Variants in ASXL1 observed in about 807,000 individuals in gnomAD.
The protein encoded by ASXL1 is ASXL transcriptional regulator 1.
ASXL1 carries 65 observed loss-of-function variants against 89.1 expected under a neutral mutation model. The ratio of observed to expected loss-of-function variants is 0.73; its 90% CI spans 0.60 to 0.90. ASXL1 has a LOEUF of 0.90. Among genes scored for constraint, ASXL1 ranks in the 40% least tolerant of loss-of-function variants. The pLI is 0.00. For synonymous variants in ASXL1, 739 were observed against 746.9 expected, an observed-to-expected ratio of 0.99 and a Z score of 0.17; for missense variants, 1,786 against 1,942.9, an observed-to-expected ratio of 0.92 and a Z score of 1.52.
At chr20:32,398,126 A>C (rs776537676) in intron 4 of ASXL1, among the ~76,000 whole-genome samples, 3 of 152,242 alleles carry the variant, frequency 2.0e-5, no homozygotes, top group African/African-American at 7.2e-5. Flanking sequence ...AATACATTTA[A>C]AATTCATTCA....
Position 32,434,889 on chromosome 20 carries a change from A to G in ASXL1, c.2177A>G (p.Lys726Arg), listed in dbSNP as rs1239535844. Reference sequence around the variant, plus strand: ...AGAGAGGACCTGCCTTCTCTGAGAAAGGAGGAAAGCTGCCTACTACAGAGG... The same window carrying G: ...AGAGAGGACCTGCCTTCTCTGAGAAGGGAGGAAAGCTGCCTACTACAGAGG... ...ARREDLPSLR[K>R]EESCLLQRAT... The change falls in exon 13 of 13, where the codon AAG becomes AGG. Residue 726 changes from lysine to arginine, a missense_variant. Coordinates refer to ENST00000375687, the MANE Select transcript of ASXL1 (RefSeq NM_015338.6). 2.5e-6 allele frequency: 4 copies of G among 1,614,176 alleles called. No individual in the cohort carries two copies. Among genetic ancestry groups the G allele is most frequent in the Non-Finnish European group, 3.4e-6 (4 of 1,180,014 alleles).
Position 32,383,018 on chromosome 20 carries a change from C to G in ASXL1, c.252+13895C>G, listed in dbSNP as rs182666320. 1.2e-3 allele frequency among the ~76,000 whole-genome samples: 183 copies of G among 152,252 alleles called. 1 individual carries two copies. The highest frequency in any genetic ancestry group is 4.0e-3 in the African/African-American group (166 of 41,526). On this transcript the variant is annotated intron_variant, in intron 4 of 12. Coordinates refer to ENST00000375687, the MANE Select transcript of ASXL1 (RefSeq NM_015338.6). ...ATACCATACATCTATATGATAATTG[C>G]ATATGGCTGAGTTGAGGTTAGAACC...
chr20:32,401,544 G>GTGCTT (rs35101542), intron 4 of ASXL1, among the ~76,000 whole-genome samples: 20 of 69,304 alleles, frequency 2.9e-4, no homozygotes, highest in African/African-American at 6.9e-4. Flanking sequence ...GTGTGTGTGT[G>GTGCTT]TTTTTTCCCC....
chr20:32,376,532 C>T (rs1178647271), intron 4 of ASXL1, among the ~76,000 whole-genome samples: 2 of 150,886 alleles, frequency 1.3e-5, no homozygotes, highest in African/African-American at 4.9e-5. Context: ...CACCGCAGCC[C>T]CCCAAAGTGT....
intron 2 of ASXL1, among the ~76,000 whole-genome samples, chr20:32,367,103 G>A (rs1040698711): frequency 6.6e-6 from 1 of 151,686 alleles, no homozygotes; most frequent in Non-Finnish European, 1.5e-5. Flanking sequence ...AAAAGCTGGG[G>A]GTAGTGGCCC....
At chr20:32,418,989 T>C (rs1037526939) in intron 4 of ASXL1, among the ~76,000 whole-genome samples, 4 of 151,740 alleles carry the variant, frequency 2.6e-5, no homozygotes, top group African/African-American at 9.7e-5. Flanking sequence ...CACGCCACCA[T>C]GTCTGGCTAA....
Position 32,433,599 on chromosome 20 carries a change from A to C in ASXL1, c.1401A>C (p.Pro467=), listed in dbSNP as rs1308725408. Reference sequence around the variant, plus strand: ...CAGGGCTGAGCAGTCCCCATCTGCCAGGCACATCCTCTGCAGCACCCGACC... The same window carrying C: ...CAGGGCTGAGCAGTCCCCATCTGCCCGGCACATCCTCTGCAGCACCCGACC... The part of the protein sequence containing the change: ...DPAGLSSPHL[P]GTSSAAPDLE... The change falls in exon 12 of 13, where the codon CCA becomes CCC. Residue 467 remains proline (P), a synonymous_variant. Coordinates refer to ENST00000375687, the MANE Select transcript of ASXL1 (RefSeq NM_015338.6). 2 of 1,613,950 alleles carry C rather than the reference A, an allele frequency of 1.2e-6. No homozygotes were observed. The highest frequency in any genetic ancestry group is 1.7e-5 in the Admixed American group (1 of 60,008).
In ASXL1 at chr20:32,437,727, C is replaced by G. The variant is rs2012011653; in HGVS notation, c.*389C>G. The stretch of plus-strand genomic sequence containing the variant: ...TGAACTAAGTAGAAATGCCAGTCTT[C>G]CACTACCCCCTCCCTGCCATCTTTT... On this transcript the variant is annotated 3_prime_UTR_variant, in exon 13 of 13. Transcript: ENST00000375687. 1 of 312,948 alleles carries G rather than the reference C, an allele frequency of 3.2e-6. No individual in the cohort carries two copies. The highest frequency in any genetic ancestry group is 6.0e-6 in the Non-Finnish European group (1 of 167,148). The allele number at this position is 312,948 out of a possible 1,614,324, so 19.4% of individuals were successfully genotyped here.
chr20:32,417,064 T>C (rs1228082567), intron 4 of ASXL1, among the ~76,000 whole-genome samples: 3 of 152,218 alleles, frequency 2.0e-5, no homozygotes, highest in African/African-American at 7.2e-5. Flanking sequence ...TAAACTCATT[T>C]TGTGTCAAAA....
At chr20:32,358,870 G>C in intron 1 of ASXL1, 38 bp downstream of exon 1, 1 of 1,471,826 alleles carries the variant, frequency 6.8e-7, no homozygotes, top group Non-Finnish European at 9.0e-7. Flanking sequence ...GTGGGGCCCG[G>C]GGTGGGGGGG....
intron 4 of ASXL1, chr20:32,371,660 C>T: frequency 3.2e-6 from 1 of 310,546 alleles, no homozygotes; most frequent in East Asian, 1.1e-4. Context: ...AGCTGGAGTG[C>T]AGTAGTATAA....
chr20:32,429,476 G>A lies in ASXL1; in HGVS notation c.565+45G>A. On this transcript the variant is annotated intron_variant, in intron 7 of 12. Coordinates refer to ENST00000375687, the MANE Select transcript of ASXL1 (RefSeq NM_015338.6). This position sits in a 1 kb window ranked among gnomAD's most constrained non-coding sequence, Gnocchi z 4.9. ...TGTGATGCTTTTTCCTCAGGTCCTG[G>A]GGACCTGGCCTCCCTCTGTCAGCAG... 1.9e-6 allele frequency: 3 copies of A among 1,558,622 alleles called. No homozygotes were observed. The highest frequency in any genetic ancestry group is 2.7e-6 in the Non-Finnish European group (3 of 1,129,666).
intron 4 of ASXL1, 127 bp from the exon 5 acceptor site, chr20:32,428,001 G>C: frequency 3.6e-6 from 5 of 1,384,806 alleles, no homozygotes; most frequent in Non-Finnish European, 4.0e-6. Context: ...AGGTCAGTTA[G>C]AAAGGGTTAG....
Position 32,435,097 on chromosome 20 carries a change from CT to C in ASXL1, c.2386del (p.Trp796GlyfsTer22). On this transcript the variant is annotated frameshift_variant, in exon 13 of 13. Transcript: ENST00000375687. LOFTEE classifies it low-confidence loss of function (END_TRUNC). Reference sequence around the variant, plus strand: ...CTGAATGTGAGTCTGGCACCACTTCCTGGGAAAGTGATGATGAGGAGCAAGG... The same window carrying C: ...CTGAATGTGAGTCTGGCACCACTTCCGGGAAAGTGATGATGAGGAGCAAGG... ...RTECESGTTS[W>X]ESDDEEQGPT... 6.2e-7 allele frequency: 1 copy of C among 1,613,940 alleles called. No individual in the cohort carries two copies. The highest frequency in any genetic ancestry group is 8.5e-7 in the Non-Finnish European group (1 of 1,180,000).
chr20:32,367,568 A>T (rs987611589), intron 2 of ASXL1, among the ~76,000 whole-genome samples, 159 bp from the exon 3 acceptor site: 3 of 152,104 alleles, frequency 2.0e-5, no homozygotes, highest in Non-Finnish European at 4.4e-5. Flanking sequence ...TCTCAAGTTG[A>T]TGTTTTGTGG....
chr20:32,371,111 C>T (rs1400182439), intron 4 of ASXL1, among the ~76,000 whole-genome samples: 1 of 151,964 alleles, frequency 6.6e-6, no homozygotes. Flanking sequence ...GCCTGGGCCA[C>T]ATAGCAAGAC....
At chr20:32,388,395 C>T (rs1018643914) in intron 4 of ASXL1, among the ~76,000 whole-genome samples, 32 of 152,120 alleles carry the variant, frequency 2.1e-4, no homozygotes, top group African/African-American at 6.3e-4. Context: ...AGGCTGGTCT[C>T]GAACTCCTGA....
At chr20:32,372,683 C>T (rs1255706545) in intron 4 of ASXL1, 2 of 161,874 alleles carry the variant, frequency 1.2e-5, no homozygotes, top group African/African-American at 4.8e-5. Flanking sequence ...CAACCTCCAC[C>T]GCCCAGGCTG....
At chr20:32,379,161 C>CTTTTTTTTTTTTTTTTTTTTTT (rs71187113) in intron 4 of ASXL1, among the ~76,000 whole-genome samples, 1 of 61,794 alleles carries the variant, frequency 1.6e-5, no homozygotes, top group Non-Finnish European at 2.8e-5. Flanking sequence ...TAACTTCAGT[C>CTTTTTTTTTTTTTTTTTTTTTT]TTTTTTTTTT....
Sources: allele counts gnomAD v4.1 joint callset (sites outside exome capture counted in the v4.1 genomes callset), GRCh38; gene constraint gnomAD v4.1.1; non-coding constraint Gnocchi (gnomAD v3.1); transcripts MANE v1.5; gene names NCBI Gene and HGNC (gene_info 2026-07-23, HGNC 2026-07-21).